The following PPP2CB variants were observed in gnomAD, a reference collection of about 807,000 sequenced individuals.
PPP2CB encodes serine/threonine-protein phosphatase 2A catalytic subunit beta isoform.
Under a neutral mutation model 39.1 loss-of-function variants are expected in PPP2CB, and 18 were observed. The observed-to-expected ratio is 0.46, with a 90% CI of 0.32 to 0.68. PPP2CB has a LOEUF of 0.68. Among genes scored for constraint, PPP2CB ranks in the 30% least tolerant of loss-of-function variants. The probability of loss-of-function intolerance (pLI) is 0.04; values close to 1 mark genes in which losing one functional copy is unlikely to be tolerated. For synonymous variants in PPP2CB, 129 were observed against 133.8 expected (o/e 0.96, Z 0.25); for missense variants, 226 against 396.9 (o/e 0.57, Z 3.66).
chr8:30,799,513 C>A (rs776939894), intron 2 of PPP2CB, 33 bp downstream of exon 2: 3 of 1,573,742 alleles, frequency 1.9e-6, no homozygotes, highest in Non-Finnish European at 2.6e-6. Context: ...TGGTTTAAAT[C>A]TTGAAAAAAA....
At chr8:30,788,848 C>T (rs1334594189) in intron 6 of PPP2CB, among the ~76,000 whole-genome samples, 1 of 152,126 alleles carries the variant, frequency 6.6e-6, no homozygotes, top group Non-Finnish European at 1.5e-5. Context: ...CTTCCTTGTT[C>T]TTTCCATGTC....
At position 30,812,809 on chromosome 8, in the gene PPP2CB, C is replaced by T; in HGVS notation, c.-388G>A. The stretch of plus-strand genomic sequence containing the variant: ...ACCGGCCTCTCCCGACTTGTCTTTC[C>T]CCTTCTCTCGCTCTTTCTCTCCCCT... On this transcript the variant is annotated 5_prime_UTR_variant, in exon 1 of 7. Transcript: ENST00000221138. 2.2e-6 allele frequency: 1 copy of T among 460,532 alleles called. No homozygotes were observed. Among genetic ancestry groups the T allele is most frequent in the Non-Finnish European group, 4.4e-6 (1 of 229,658 alleles). 28.5% of individuals were successfully genotyped at this position (460,532 alleles called of 1,614,324 possible). A position where few individuals can be genotyped will look rare whatever the true frequency, so the allele number is the denominator to read the frequency against.
Position 30,791,305 on chromosome 8 carries a change from C to T in PPP2CB, c.749G>A (p.Trp250Ter). Reference protein sequence around the residue: ...AHQLVMEGYNWCHDRNVVTIF... With the variant: ...AHQLVMEGYN ...GGTAACCACATTCCGATCATGACAC[C>T]AATTGTATCCCTGCAGGATAAAAAC... Residue 250 changes from tryptophan to a stop codon, truncating the protein, a stop_gained, in exon 6 of 7, where the codon TGG becomes TAG. Coordinates refer to ENST00000221138, the MANE Select transcript of PPP2CB (RefSeq NM_001009552.2). LOFTEE classifies it high-confidence loss of function. The T allele has an allele frequency of 1.2e-6, 2 of 1,601,288 alleles. No individual in the cohort carries two copies. Among genetic ancestry groups the T allele is most frequent in the Non-Finnish European group, 8.5e-7 (1 of 1,171,446 alleles).
At chr8:30,791,394 C>G (rs1806425807) in intron 5 of PPP2CB, 79 bp from the exon 6 acceptor site, 1 of 990,558 alleles carries the variant, frequency 1.0e-6, no homozygotes, top group Non-Finnish European at 1.6e-6. Flanking sequence ...AAACTAAACT[C>G]AAAAACTACA....
At chr8:30,805,784 T>G (rs1006241358) in intron 1 of PPP2CB, among the ~76,000 whole-genome samples, 52 of 152,150 alleles carry the variant, frequency 3.4e-4, no homozygotes, top group African/African-American at 1.3e-3. Flanking sequence ...TCCAATGGAG[T>G]CTTCCACATT....
At chr8:30,796,091 T>C (rs182904088) in intron 3 of PPP2CB, among the ~76,000 whole-genome samples, 5 of 152,360 alleles carry the variant, frequency 3.3e-5, no homozygotes, top group South Asian at 2.1e-4. Flanking sequence ...AATTTTATTA[T>C]TAATGAAGAC....
chr8:30,794,387 T>C (rs529075301), intron 3 of PPP2CB, 106 bp from the exon 4 acceptor site: 7 of 945,182 alleles, frequency 7.4e-6, no homozygotes, highest in Non-Finnish European at 1.1e-5. Flanking sequence ...TGCCAACATT[T>C]AAACATATTT....
At chr8:30,789,855 CA>C (rs1208180785) in intron 6 of PPP2CB, among the ~76,000 whole-genome samples, 4 of 152,150 alleles carry the variant, frequency 2.6e-5, no homozygotes, top group Non-Finnish European at 5.9e-5. Flanking sequence ...CTGGAGGCTA[CA>C]AGTCTGAAAG....
chr8:30,786,145 T>G lies in PPP2CB; in HGVS notation c.*90A>C. ...GATCCCAATTTGTTACAGAAACACA[T>G]AGATTACTGTTGCTTTTTGTTTTTA... On this transcript the variant is annotated 3_prime_UTR_variant, in exon 7 of 7. Coordinates refer to ENST00000221138, the MANE Select transcript of PPP2CB (RefSeq NM_001009552.2). The G allele has an allele frequency of 8.8e-7, 1 of 1,136,046 alleles. No homozygotes were observed. Among genetic ancestry groups the G allele is most frequent in the Non-Finnish European group, 1.3e-6 (1 of 791,944 alleles). 70.4% of individuals were successfully genotyped at this position (1,136,046 alleles called of 1,614,324 possible).
At chr8:30,786,945 G>A (rs1357846097) in intron 6 of PPP2CB, among the ~76,000 whole-genome samples, 3 of 152,068 alleles carry the variant, frequency 2.0e-5, no homozygotes, top group Admixed American at 1.3e-4. Flanking sequence ...GATTACAGGC[G>A]TGAGCCACCG....
chr8:30,792,016 G>A (rs965840825), intron 5 of PPP2CB, among the ~76,000 whole-genome samples: 2 of 131,976 alleles, frequency 1.5e-5, no homozygotes, highest in Non-Finnish European at 3.1e-5. Context: ...ACACATACAT[G>A]TGTGTATATA....
In PPP2CB at chr8:30,805,011, T is replaced by G. The variant is rs114541344; in HGVS notation, c.103-5256A>C. On this transcript the variant is annotated intron_variant, in intron 1 of 6. Transcript: ENST00000221138. ...CGTGTCCCCTCTTCACAGCTGAATC[T>G]CTAGCACTTTGAACAGTCTGGTACA... Among the ~76,000 whole-genome samples, 441 of 152,272 alleles carry G rather than the reference T, an allele frequency of 2.9e-3. 4 individuals are homozygous for G. Among genetic ancestry groups the G allele is most frequent in the African/African-American group, 0.01 (428 of 41,560 alleles).
At chr8:30,805,773 C>G (rs1367414998) in intron 1 of PPP2CB, among the ~76,000 whole-genome samples, 1 of 152,192 alleles carries the variant, frequency 6.6e-6, no homozygotes, top group African/African-American at 2.4e-5. Flanking sequence ...CTTAATAGAT[C>G]TCCAATGGAG....
At chr8:30,805,240 G>A (rs960177003) in intron 1 of PPP2CB, among the ~76,000 whole-genome samples, 1 of 152,198 alleles carries the variant, frequency 6.6e-6, no homozygotes, top group Admixed American at 6.5e-5. Context: ...TTTAAACGAA[G>A]ATGAAAATTA....
intron 1 of PPP2CB, among the ~76,000 whole-genome samples, chr8:30,801,260 C>T (rs962637631): frequency 5.3e-5 from 8 of 151,856 alleles, no homozygotes; most frequent in African/African-American, 1.7e-4. Flanking sequence ...GGGCCGGGCA[C>T]GGTGGCTCAT....
At chr8:30,796,994 C>A (rs754689217) in intron 3 of PPP2CB, among the ~76,000 whole-genome samples, 1 of 151,988 alleles carries the variant, frequency 6.6e-6, no homozygotes, top group African/African-American at 2.4e-5. Context: ...CAAGCACGCG[C>A]CACTATGCCT....
chr8:30,785,983 A>T lies in PPP2CB; in HGVS notation c.*252T>A, dbSNP rs1563573725. The T allele has an allele frequency of 6.5e-6, 4 of 617,614 alleles. No homozygotes were observed. The highest frequency in any genetic ancestry group is 4.2e-5 in the Admixed American group (2 of 47,356). 38.3% of individuals were successfully genotyped at this position (617,614 alleles called of 1,614,324 possible). On this transcript the variant is annotated 3_prime_UTR_variant, in exon 7 of 7. Coordinates refer to ENST00000221138, the MANE Select transcript of PPP2CB (RefSeq NM_001009552.2). ...TTTTGCTTGAACAGTCCAAAGGAAA[A>T]TGGTTACTATAAATACAGCAGGCAA...
rs550661547 is a variant in PPP2CB at position 30,811,967 on chromosome 8, T to C, written c.102+353A>G. 5.6e-4 allele frequency among the ~76,000 whole-genome samples: 86 copies of C among 152,304 alleles called. No homozygotes were observed. The South Asian group carries it at 9.9e-3, about 18-fold the overall frequency. On this transcript the variant is annotated intron_variant, in intron 1 of 6. Coordinates refer to ENST00000221138, the MANE Select transcript of PPP2CB (RefSeq NM_001009552.2). ...CGCTCTCGCTAGTCCACTCGGGAAA[T>C]GCTAGAGTGGCAGGAACTCCCCAGT...
rs1219056338 is a variant in PPP2CB at position 30,789,212 on chromosome 8, T to TA, written c.857+1984dup. 5.3e-5 allele frequency among the ~76,000 whole-genome samples: 8 copies of TA among 152,344 alleles called. No homozygotes were observed. The East Asian group carries it at 1.5e-3, about 29-fold the overall frequency. ...CACCCAACTAATTTTGTATTTTTAA[T>TA]AGAGACTGGGTTTCTCCATGTTGGT... is the stretch of plus-strand genomic sequence containing the variant. On this transcript the variant is annotated intron_variant, in intron 6 of 6. Coordinates refer to ENST00000221138, the MANE Select transcript of PPP2CB (RefSeq NM_001009552.2).
Sources: allele counts gnomAD v4.1 joint callset (sites outside exome capture counted in the v4.1 genomes callset), GRCh38; gene constraint gnomAD v4.1.1; transcripts MANE v1.5; gene names NCBI Gene and HGNC (gene_info 2026-07-23, HGNC 2026-07-21).